Variants in TUBB4B observed in about 807,000 individuals in gnomAD.
TUBB4B encodes the protein tubulin beta 4B class IVb.
A neutral mutation model predicts 34.3 loss-of-function variants in TUBB4B; 7 were observed. The observed-to-expected ratio is 0.20, with a 90% CI of 0.12 to 0.38. The LOEUF (loss-of-function observed/expected upper bound fraction) is 0.38, where lower values mean the gene tolerates loss of function less well. Ranked by LOEUF, TUBB4B falls within the 10% of genes least tolerant of loss-of-function variation. TUBB4B has a pLI of 1.00. For synonymous variants in TUBB4B, 390 were observed against 250.2 expected, an observed-to-expected ratio of 1.56 and a Z score of -5.27; for missense variants, 178 against 610.9, an observed-to-expected ratio of 0.29 and a Z score of 7.47.
Position 137,242,545 on chromosome 9 carries a change from C to T in TUBB4B, c.327C>T (p.Gly109=), listed in dbSNP as rs147505429. 1.2e-4 allele frequency: 194 copies of T among 1,613,900 alleles called. 1 individual carries two copies. The highest frequency in any genetic ancestry group is 9.9e-4 in the Middle Eastern group (6 of 6,062). The change falls in exon 4 of 4, where the codon GGC becomes GGT. Residue 109 remains glycine (G), a synonymous_variant. Transcript: ENST00000340384. ...NNWAKGHYTE[G]AELVDSVLDV... ...GGGCCAAGGGGCACTACACAGAAGG[C>T]GCGGAGCTGGTGGACTCGGTGCTGG...
Position 137,243,310 on chromosome 9 carries a change from C to A in TUBB4B, c.1092C>A (p.Ser364=). 1 of 1,613,608 alleles carries A rather than the reference C, an allele frequency of 6.2e-7. No individual in the cohort carries two copies. The highest frequency in any genetic ancestry group is 8.5e-7 in the Non-Finnish European group (1 of 1,180,038). ...TCCCACCTCGGGGGCTAAAAATGTC[C>A]GCCACCTTCATTGGCAACAGCACGG... The part of the protein sequence containing the change: ...CDIPPRGLKM[S]ATFIGNSTAI... Residue 364 remains serine, a synonymous_variant, in exon 4 of 4, where the codon TCC becomes TCA. Transcript: ENST00000340384.
chr9:137,241,313 T>G lies in TUBB4B; in HGVS notation c.-48T>G, dbSNP rs779630858. On this transcript the variant is annotated 5_prime_UTR_variant, in exon 1 of 4. Transcript: ENST00000340384. ...GCACTCTGCGCGCCCGCTCTTCTGC[T>G]GCTGTTTGTCTACTTCCTCCTGCTT... The G allele has an allele frequency of 6.3e-7, 1 of 1,580,218 alleles. No homozygotes were observed. The highest frequency in any genetic ancestry group is 1.1e-5 in the South Asian group (1 of 89,292).
Position 137,241,757 on chromosome 9 carries a change from C to A in TUBB4B, c.94C>A (p.Pro32Thr). The change falls in exon 2 of 4, where the codon CCC becomes ACC. Residue 32 changes from proline to threonine, a missense_variant. Physicochemically the swap from Pro to Thr is conservative, Grantham distance 38. Transcript: ENST00000340384. The part of the protein sequence containing the change: ...EVISDEHGID[P>T]TGTYHGDSDL... Reference sequence around the variant, plus strand: ...GATCAGCGATGAGCACGGCATCGACCCCACGGGCACCTACCACGGGGACAG... The same window carrying A: ...GATCAGCGATGAGCACGGCATCGACACCACGGGCACCTACCACGGGGACAG... 6.2e-7 allele frequency: 1 copy of A among 1,612,220 alleles called. No individual in the cohort carries two copies. The highest frequency in any genetic ancestry group is 8.5e-7 in the Non-Finnish European group (1 of 1,179,542).
chr9:137,243,657 CT>C lies in TUBB4B; in HGVS notation c.*102del, dbSNP rs1564427521. 1 of 1,614,120 alleles carries C rather than the reference CT, an allele frequency of 6.2e-7. No individual in the cohort carries two copies. Among genetic ancestry groups the C allele is most frequent in the South Asian group, 1.1e-5 (1 of 91,080 alleles). On this transcript the variant is annotated 3_prime_UTR_variant, in exon 4 of 4. Coordinates refer to ENST00000340384, the MANE Select transcript of TUBB4B (RefSeq NM_006088.6). ...CCACTGTGTGCACTTGCTGTTTTCC[CT>C]GTCCACATCCATGCTGTACAGACAC... is the stretch of plus-strand genomic sequence containing the variant.
Position 137,241,322 on chromosome 9 carries a change from T to A in TUBB4B, c.-39T>A, listed in dbSNP as rs115244808. The A allele has an allele frequency of 8.2e-6, 13 of 1,587,774 alleles. No individual in the cohort carries two copies. Among genetic ancestry groups the A allele is most frequent in the Middle Eastern group, 1.7e-4 (1 of 6,048 alleles). ...GCGCCCGCTCTTCTGCTGCTGTTTG[T>A]CTACTTCCTCCTGCTTCCCCGCCGC... On this transcript the variant is annotated 5_prime_UTR_variant, in exon 1 of 4. Transcript: ENST00000340384.
rs371612147 is a variant in TUBB4B, at chr9:137,243,663, A to G, written c.*107A>G. The G allele has an allele frequency of 5.6e-6, 9 of 1,613,918 alleles. No homozygotes were observed. The highest frequency in any genetic ancestry group is 2.2e-5 in the East Asian group (1 of 44,894). On this transcript the variant is annotated 3_prime_UTR_variant, in exon 4 of 4. Transcript: ENST00000340384. ...TGTGCACTTGCTGTTTTCCCTGTCC[A>G]CATCCATGCTGTACAGACACCACCA...
intron 3 of TUBB4B, 140 bp downstream of exon 3, chr9:137,242,161 T>C (rs1836762213): frequency 4.5e-6 from 4 of 888,102 alleles, no homozygotes; most frequent in Non-Finnish European, 6.8e-6. Context: ...CTAAATCGGC[T>C]TTGGGAGCAA....
In TUBB4B at chr9:137,243,675, TAC is replaced by T. The variant is rs1836811011; in HGVS notation, c.*121_*122del. The T allele has an allele frequency of 3.1e-6, 5 of 1,614,098 alleles. No homozygotes were observed. Among genetic ancestry groups the T allele is most frequent in the Non-Finnish European group, 4.2e-6 (5 of 1,179,988 alleles). ...GTTTTCCCTGTCCACATCCATGCTG[TAC>T]AGACACCACCATTAAAGCATTTTCA... On this transcript the variant is annotated 3_prime_UTR_variant, in exon 4 of 4. Coordinates refer to ENST00000340384, the MANE Select transcript of TUBB4B (RefSeq NM_006088.6).
intron 3 of TUBB4B, 72 bp from the exon 4 acceptor site, chr9:137,242,424 C>CT: frequency 6.5e-7 from 1 of 1,550,216 alleles, no homozygotes; most frequent in South Asian, 1.2e-5. Context: ...TGTCACTCGG[C>CT]TTTTTTCGCA....
chr9:137,243,654 T>G lies in TUBB4B; in HGVS notation c.*98T>G. ...GTCCCACTGTGTGCACTTGCTGTTT[T>G]CCCTGTCCACATCCATGCTGTACAG... is the stretch of plus-strand genomic sequence containing the variant. On this transcript the variant is annotated 3_prime_UTR_variant, in exon 4 of 4. Transcript: ENST00000340384. The G allele has an allele frequency of 6.2e-7, 1 of 1,614,098 alleles. No homozygotes were observed. Among genetic ancestry groups the G allele is most frequent in the Non-Finnish European group, 8.5e-7 (1 of 1,180,004 alleles).
Position 137,243,686 on chromosome 9 carries a change from C to T in TUBB4B, c.*130C>T, listed in dbSNP as rs762968754. 6.2e-7 allele frequency: 1 copy of T among 1,614,128 alleles called. No individual in the cohort carries two copies. Among genetic ancestry groups the T allele is most frequent in the Non-Finnish European group, 8.5e-7 (1 of 1,179,996 alleles). ...CCACATCCATGCTGTACAGACACCA[C>T]CATTAAAGCATTTTCATAGTGTGTG... On this transcript the variant is annotated 3_prime_UTR_variant, in exon 4 of 4. Coordinates refer to ENST00000340384, the MANE Select transcript of TUBB4B (RefSeq NM_006088.6).
chr9:137,242,220 T>A (rs1323787725), intron 3 of TUBB4B, 199 bp downstream of exon 3: 1 of 666,972 alleles, frequency 1.5e-6, no homozygotes, highest in Admixed American at 2.9e-5. Flanking sequence ...GTAATCTCCC[T>A]GCAGGGAGCT....
chr9:137,243,645 TTGC>T lies in TUBB4B; in HGVS notation c.*92_*94del. On this transcript the variant is annotated 3_prime_UTR_variant, in exon 4 of 4. Transcript: ENST00000340384. ...CTGTGGCCTGTCCCACTGTGTGCAC[TTGC>T]TGTTTTCCCTGTCCACATCCATGCT... 2 of 1,614,034 alleles carry T rather than the reference TTGC, an allele frequency of 1.2e-6. No homozygotes were observed. The highest frequency in any genetic ancestry group is 2.2e-5 in the South Asian group (2 of 91,084).
chr9:137,243,537 C>T lies in TUBB4B; in HGVS notation c.1319C>T (p.Ala440Val). The T allele has an allele frequency of 1.2e-6, 2 of 1,613,920 alleles. No individual in the cohort carries two copies. Among genetic ancestry groups the T allele is most frequent in the Non-Finnish European group, 8.5e-7 (1 of 1,179,988 alleles). Residue 440 changes from alanine (A) to valine (V), a missense_variant, in exon 4 of 4, where the codon GCT becomes GTT. Ala to Val is a moderately conservative substitution (Grantham distance 64, BLOSUM62 0). Transcript: ENST00000340384. ...GAGGAGGGCGAGTTCGAGGAGGAGG[C>T]TGAGGAGGAGGTGGCCTAGAGCCTT... ...AEEEGEFEEE[A>V]EEEVA
Position 137,241,335 on chromosome 9 carries a change from G to C in TUBB4B, c.-26G>C. 1 of 1,589,200 alleles carries C rather than the reference G, an allele frequency of 6.3e-7. No individual in the cohort carries two copies. Among genetic ancestry groups the C allele is most frequent in the Non-Finnish European group, 8.5e-7 (1 of 1,172,090 alleles). On this transcript the variant is annotated 5_prime_UTR_variant, in exon 1 of 4. Transcript: ENST00000340384. Reference sequence around the variant, plus strand: ...TGCTGCTGTTTGTCTACTTCCTCCTGCTTCCCCGCCGCCGCCGCCGCCATC... The same window carrying C: ...TGCTGCTGTTTGTCTACTTCCTCCTCCTTCCCCGCCGCCGCCGCCGCCATC...
chr9:137,242,461 C>T (rs373600011), intron 3 of TUBB4B, 35 bp from the exon 4 acceptor site: 102 of 1,598,398 alleles, frequency 6.4e-5, no homozygotes, highest in African/African-American at 1.9e-4. Context: ...TGCTGTCTAC[C>T]TGGCTGACAA....
In TUBB4B at chr9:137,242,635, G is replaced by T. The variant is rs1450992040; in HGVS notation, c.417G>T (p.Leu139=). The T allele has an allele frequency of 6.2e-7, 1 of 1,613,610 alleles. No homozygotes were observed. The highest frequency in any genetic ancestry group is 8.5e-7 in the Non-Finnish European group (1 of 1,180,018). ...CLQGFQLTHS[L]GGGTGSGMGT... is the part of the protein sequence containing the mutation. ...AGGGTTTCCAGCTGACCCACTCCCT[G>T]GGTGGGGGGACTGGGTCTGGGATGG... Residue 139 remains leucine, a synonymous_variant, in exon 4 of 4, where the codon CTG becomes CTT. Transcript: ENST00000340384.
At chr9:137,241,508 G>A (rs1346629268) in intron 1 of TUBB4B, 91 bp downstream of exon 1, 2 of 1,118,308 alleles carry the variant, frequency 1.8e-6, no homozygotes, top group East Asian at 4.2e-5. Context: ...GCCGGGCGGC[G>A]CCCCCGCATT....
At chr9:137,242,162 T>G (rs1836762264) in intron 3 of TUBB4B, 141 bp downstream of exon 3, 3 of 883,240 alleles carry the variant, frequency 3.4e-6, no homozygotes, top group Admixed American at 2.9e-5. Context: ...TAAATCGGCT[T>G]TGGGAGCAAG....
Sources: gnomAD v4.1 joint callset for allele counts on GRCh38, gnomAD v4.1.1 for gene constraint, MANE v1.5 for transcripts, NCBI Gene and HGNC (gene_info 2026-07-23, HGNC 2026-07-21) for gene names.